The following SLMAP variants were observed in gnomAD, a reference collection of about 807,000 sequenced individuals.
SLMAP encodes the protein sarcolemma associated protein, also known as sarcolemmal membrane-associated protein.
Under a neutral mutation model 128.8 loss-of-function variants are expected in SLMAP, and 44 were observed. That is an observed-to-expected ratio of 0.34 (90% CI 0.27 to 0.44). SLMAP has a LOEUF of 0.44. Among genes scored for constraint, SLMAP ranks in the 20% least tolerant of loss-of-function variants. The probability of loss-of-function intolerance (pLI) is 1.00; values close to 1 mark genes in which losing one functional copy is unlikely to be tolerated. For synonymous variants in SLMAP, 327 were observed against 348.8 expected, an observed-to-expected ratio of 0.94 and a Z score of 0.70; for missense variants, 787 against 985.3, an observed-to-expected ratio of 0.80 and a Z score of 2.69.
At chr3:57,808,236 G>A (rs775119752) in intron 2 of SLMAP, among the ~76,000 whole-genome samples, 35 of 151,762 alleles carry the variant, frequency 2.3e-4, no homozygotes, top group Admixed American at 2.0e-4. Context: ...TTTTTGTAGG[G>A]TTTTTTGTGT....
In SLMAP at chr3:57,860,766, C is replaced by T; in HGVS notation, c.755C>T (p.Thr252Ile). 2 of 1,597,474 alleles carry T rather than the reference C, an allele frequency of 1.3e-6. No homozygotes were observed. Among genetic ancestry groups the T allele is most frequent in the Non-Finnish European group, 1.7e-6 (2 of 1,175,444 alleles). ...CAAGAGGATAAACATAACTATGAGA[C>T]AACAGCCAAAGAGTCCCTGAGGCGG... The part of the protein sequence containing the change: ...ALQEDKHNYE[T>I]TAKESLRRVL... The change falls in exon 9 of 25, where the codon ACA becomes ATA. Residue 252 changes from threonine to isoleucine, a missense_variant. Thr to Ile is a moderately conservative substitution (Grantham distance 89). Transcript: ENST00000671191.
intron 2 of SLMAP, among the ~76,000 whole-genome samples, chr3:57,815,284 G>A (rs966647466): frequency 9.2e-5 from 14 of 152,164 alleles, no homozygotes; most frequent in African/African-American, 3.1e-4. Context: ...CCTGTTGTGC[G>A]GCCCATTTCC....
chr3:57,882,179 A>T (rs888269470), intron 14 of SLMAP, among the ~76,000 whole-genome samples: 4 of 152,252 alleles, frequency 2.6e-5, no homozygotes, highest in Non-Finnish European at 4.4e-5. Context: ...GATTCATTCT[A>T]CAAAGATTAA....
intron 2 of SLMAP, among the ~76,000 whole-genome samples, chr3:57,794,569 A>G (rs185214478): frequency 6.6e-6 from 1 of 152,280 alleles, no homozygotes; most frequent in African/African-American, 2.4e-5. Flanking sequence ...GAAAGTTTGT[A>G]TTCATTAGCA....
chr3:57,832,773 G>T (rs114605962), intron 3 of SLMAP, among the ~76,000 whole-genome samples: 2,068 of 152,122 alleles, frequency 0.014, 53 homozygotes, highest in African/African-American at 0.045. Flanking sequence ...TTTTTAATGG[G>T]TTTTTTTGGC....
At chr3:57,863,801 A>T (rs2095202671) in intron 10 of SLMAP, among the ~76,000 whole-genome samples, 1 of 152,208 alleles carries the variant, frequency 6.6e-6, no homozygotes, top group Non-Finnish European at 1.5e-5. Flanking sequence ...GGGGACGAAC[A>T]TCCAAACTAT....
chr3:57,809,255 G>T (rs2090489345), intron 2 of SLMAP, among the ~76,000 whole-genome samples: 3 of 152,326 alleles, frequency 2.0e-5, no homozygotes, highest in Admixed American at 2.0e-4. Context: ...AGGAAGAAAG[G>T]CCCCCCTGCC....
intron 2 of SLMAP, among the ~76,000 whole-genome samples, chr3:57,830,934 T>C (rs2093298967): frequency 6.6e-6 from 1 of 152,260 alleles, no homozygotes; most frequent in Admixed American, 6.5e-5. Flanking sequence ...CAAATAATAT[T>C]CAGTTATATG....
chr3:57,809,072 G>A lies in SLMAP; in HGVS notation c.199-22311G>A, dbSNP rs370314543. 2.2e-4 allele frequency among the ~76,000 whole-genome samples: 33 copies of A among 152,178 alleles called. No homozygotes were observed. The South Asian group carries it at 5.4e-3, about 25-fold the overall frequency. On this transcript the variant is annotated intron_variant, in intron 2 of 24. Transcript: ENST00000671191. ...TGTGCTCTTGGTGGAGGCAGGGAGC[G>A]GGCAGGAGCCCTGCCCTTCCGGGCA... is the stretch of plus-strand genomic sequence containing the variant.
chr3:57,923,466 C>T (rs886413828), intron 23 of SLMAP, among the ~76,000 whole-genome samples: 6 of 152,194 alleles, frequency 3.9e-5, no homozygotes, highest in Admixed American at 2.6e-4. Context: ...CTTAATGTCT[C>T]TTTGTCATTC....
intron 6 of SLMAP, among the ~76,000 whole-genome samples, chr3:57,854,129 G>A (rs1487598271): frequency 6.8e-6 from 1 of 146,958 alleles, no homozygotes; most frequent in Non-Finnish European, 1.5e-5. Context: ...CTTTGGAGCT[G>A]CCAAATAGTT....
intron 2 of SLMAP, among the ~76,000 whole-genome samples, chr3:57,806,523 C>A (rs1290523510): frequency 2.0e-5 from 3 of 152,054 alleles, no homozygotes; most frequent in African/African-American, 7.2e-5. Context: ...CTGCAACCTC[C>A]GCCTCCCGGG....
At chr3:57,872,385 G>A (rs756972705) in intron 14 of SLMAP, among the ~76,000 whole-genome samples, 12 of 152,134 alleles carry the variant, frequency 7.9e-5, no homozygotes, top group African/African-American at 1.2e-4. Flanking sequence ...TGGGGAGGCC[G>A]AAGTGGGTGG....
intron 2 of SLMAP, among the ~76,000 whole-genome samples, chr3:57,760,643 C>T (rs1352536770): frequency 6.6e-6 from 1 of 151,972 alleles, no homozygotes; most frequent in African/African-American, 2.4e-5. Flanking sequence ...GTTGCTTGAG[C>T]CCAGGAGTTT....
At chr3:57,810,457 C>T (rs1478717730) in intron 2 of SLMAP, among the ~76,000 whole-genome samples, 4 of 152,156 alleles carry the variant, frequency 2.6e-5, no homozygotes, top group Non-Finnish European at 5.9e-5. Context: ...AGCGACACCC[C>T]AAGGATCCTG....
At chr3:57,788,915 C>T (rs760203058) in intron 2 of SLMAP, among the ~76,000 whole-genome samples, 7 of 151,998 alleles carry the variant, frequency 4.6e-5, no homozygotes, top group Non-Finnish European at 7.4e-5. Flanking sequence ...TAAGTGGATC[C>T]GGAGAGTAAT....
chr3:57,828,472 A>G lies in SLMAP; in HGVS notation c.199-2911A>G, dbSNP rs149329470. On this transcript the variant is annotated intron_variant, in intron 2 of 24. Coordinates refer to ENST00000671191, the MANE Select transcript of SLMAP (RefSeq NM_001377540.1). ...AACTAAACTAATGTGCTGTAGCTGTATACAAGTACAGAGGGTTAGGGGGAT... is the reference window on the plus strand; with the variant it reads ...AACTAAACTAATGTGCTGTAGCTGTGTACAAGTACAGAGGGTTAGGGGGAT... Among the ~76,000 whole-genome samples the G allele has an allele frequency of 5.3e-5, 8 of 152,328 alleles. No homozygotes were observed. The East Asian group carries it at 7.7e-4, about 15-fold the overall frequency.
At chr3:57,837,665 GGCCCC>G (rs1435441072) in intron 3 of SLMAP, among the ~76,000 whole-genome samples, 1 of 152,104 alleles carries the variant, frequency 6.6e-6, no homozygotes, top group Non-Finnish European at 1.5e-5. Flanking sequence ...CACTGTGCCT[GGCCCC>G]TAAATCTCTT....
rs556378880 is a variant in SLMAP at position 57,768,951 on chromosome 3, C to T, written c.198+11102C>T. ...CAATTTCATACTTGCCAGCACCCCC[C>T]ACCCCAGTTGCGTGAGCCAATTCCA... On this transcript the variant is annotated intron_variant, in intron 2 of 24. Coordinates refer to ENST00000671191, the MANE Select transcript of SLMAP (RefSeq NM_001377540.1). 2.0e-4 allele frequency among the ~76,000 whole-genome samples: 30 copies of T among 152,262 alleles called. No individual in the cohort carries two copies. The South Asian group carries it at 6.2e-3, about 32-fold the overall frequency.
Sources: allele counts gnomAD v4.1 joint callset (sites outside exome capture counted in the v4.1 genomes callset), GRCh38; gene constraint gnomAD v4.1.1; transcripts MANE v1.5; gene names NCBI Gene and HGNC (gene_info 2026-07-23, HGNC 2026-07-21).